Variants in HHAT observed in about 807,000 individuals in gnomAD.
HHAT encodes the protein protein-cysteine N-palmitoyltransferase HHAT.
HHAT carries 47 observed loss-of-function variants against 70.8 expected under a neutral mutation model. The ratio of observed to expected loss-of-function variants is 0.66; its 90% CI spans 0.53 to 0.85. The LOEUF is 0.85. Ranked by LOEUF, HHAT falls within the 40% of genes least tolerant of loss-of-function variation. The probability of loss-of-function intolerance (pLI) is 0.00; values close to 1 mark genes in which losing one functional copy is unlikely to be tolerated. For missense variants in HHAT, 609 were observed against 604.8 expected (o/e 1.01, Z -0.07); for synonymous variants, 228 against 247.6 (o/e 0.92, Z 0.74).
At chr1:210,621,865 AGCAG>A (rs919013116) in intron 10 of HHAT, among the ~76,000 whole-genome samples, 66 of 152,312 alleles carry the variant, frequency 4.3e-4, no homozygotes, top group African/African-American at 1.5e-3. Flanking sequence ...CTTCTCTGTG[AGCAG>A]GCCACACTTG....
chr1:210,656,072 T>G (rs1177677266), intron 11 of HHAT, among the ~76,000 whole-genome samples: 1 of 152,196 alleles, frequency 6.6e-6, no homozygotes, highest in Non-Finnish European at 1.5e-5. Flanking sequence ...AGGCTCTAAA[T>G]GTTATATGTT....
chr1:210,341,847 T>G (rs116640099), intron 1 of HHAT, among the ~76,000 whole-genome samples: 3 of 152,194 alleles, frequency 2.0e-5, no homozygotes, highest in Non-Finnish European at 2.9e-5. Flanking sequence ...GTACCCAATT[T>G]GGAGGTGGAG....
intron 11 of HHAT, among the ~76,000 whole-genome samples, chr1:210,632,629 T>C (rs902803158): frequency 1.3e-5 from 2 of 152,212 alleles, no homozygotes; most frequent in Admixed American, 1.3e-4. Flanking sequence ...CATGCCAGCT[T>C]CCAGCTTGCT....
At chr1:210,502,752 T>A (rs1419709320) in intron 8 of HHAT, among the ~76,000 whole-genome samples, 1 of 152,208 alleles carries the variant, frequency 6.6e-6, no homozygotes, top group Non-Finnish European at 1.5e-5. Flanking sequence ...CTAATTATTA[T>A]TTTCTTAATA....
At chr1:210,555,149 T>C (rs189383604) in intron 9 of HHAT, among the ~76,000 whole-genome samples, 86 of 152,148 alleles carry the variant, frequency 5.7e-4, no homozygotes, top group Admixed American at 5.1e-3. Context: ...TTAGAAACAT[T>C]TGCCACAAAG....
intron 8 of HHAT, among the ~76,000 whole-genome samples, chr1:210,484,929 C>T (rs1156276156): frequency 2.6e-5 from 4 of 152,090 alleles, no homozygotes; most frequent in Non-Finnish European, 5.9e-5. Context: ...CCCTGCCAAT[C>T]ACCTTTTTTC....
intron 8 of HHAT, among the ~76,000 whole-genome samples, chr1:210,486,427 A>G (rs982632367): frequency 6.6e-6 from 1 of 152,218 alleles, no homozygotes; most frequent in African/African-American, 2.4e-5. Context: ...TGAGCTGCTG[A>G]AAGTGCTATT....
At chr1:210,446,698 C>T (rs912864712) in intron 7 of HHAT, among the ~76,000 whole-genome samples, 17 of 152,208 alleles carry the variant, frequency 1.1e-4, no homozygotes, top group African/African-American at 3.6e-4. Context: ...TGAGCTGTTC[C>T]TTCATCTTAG....
intron 11 of HHAT, among the ~76,000 whole-genome samples, chr1:210,647,533 C>T (rs778476730): frequency 2.0e-5 from 3 of 152,128 alleles, no homozygotes; most frequent in African/African-American, 4.8e-5. Flanking sequence ...TTGCCTTATG[C>T]GGTACCCTGG....
At chr1:210,348,197 T>A in intron 1 of HHAT, among the ~76,000 whole-genome samples, 1 of 151,570 alleles carries the variant, frequency 6.6e-6, no homozygotes, top group East Asian at 2.0e-4. Context: ...CTGGGAAACA[T>A]AGACCCTGTC....
chr1:210,571,245 C>T (rs144369795), intron 9 of HHAT, among the ~76,000 whole-genome samples: 30 of 152,330 alleles, frequency 2.0e-4, no homozygotes, highest in Non-Finnish European at 3.8e-4. Context: ...GTTGGAGACC[C>T]AGACCTGCTG....
chr1:210,379,966 A>G (rs997420323), intron 3 of HHAT, among the ~76,000 whole-genome samples: 2 of 152,022 alleles, frequency 1.3e-5, no homozygotes, highest in Non-Finnish European at 2.9e-5. Flanking sequence ...CTATTCTGTG[A>G]GCTTATATTT....
Position 210,570,177 on chromosome 1 carries a change from T to A in HHAT, c.1044-17721T>A, listed in dbSNP as rs564783932. On this transcript the variant is annotated intron_variant, in intron 9 of 11. Coordinates refer to ENST00000261458, the MANE Select transcript of HHAT (RefSeq NM_018194.6). ...AAAGGGAGACATTTTACCTTAGCAC[T>A]GTGAGAAGGGAGTAATGATCTCTAG... is the stretch of plus-strand genomic sequence containing the variant. Among the ~76,000 whole-genome samples the A allele has an allele frequency of 3.3e-5, 5 of 152,302 alleles. No homozygotes were observed. In the South Asian group the frequency reaches 1.0e-3, roughly 32 times the overall value.
At chr1:210,340,313 C>G (rs952925905) in intron 1 of HHAT, among the ~76,000 whole-genome samples, 8 of 145,900 alleles carry the variant, frequency 5.5e-5, no homozygotes, top group Non-Finnish European at 1.0e-4. Context: ...GGAATCTGGA[C>G]TTGGTGGTTT....
intron 10 of HHAT, among the ~76,000 whole-genome samples, chr1:210,595,583 C>T (rs1207487794): frequency 6.6e-6 from 1 of 152,334 alleles, no homozygotes; most frequent in South Asian, 2.1e-4. Flanking sequence ...GTCCCACCAT[C>T]AGTGTAAAAG....
intron 10 of HHAT, among the ~76,000 whole-genome samples, chr1:210,595,965 G>T (rs545330917): frequency 0.014 from 2,188 of 152,100 alleles, 59 homozygotes; most frequent in Admixed American, 0.063. Flanking sequence ...AGAAGCTCTT[G>T]AGTTTAATTA....
chr1:210,664,468 G>A (rs1678462184), intron 11 of HHAT, among the ~76,000 whole-genome samples: 1 of 152,228 alleles, frequency 6.6e-6, no homozygotes, highest in Non-Finnish European at 1.5e-5. Context: ...GAAGCTGGTG[G>A]GATGGTGCAG....
intron 9 of HHAT, among the ~76,000 whole-genome samples, chr1:210,552,120 A>T (rs563811383): frequency 1.3e-5 from 2 of 152,268 alleles, no homozygotes; most frequent in East Asian, 3.9e-4. Flanking sequence ...TCCTGGTGAC[A>T]GCTCTAACAT....
At chr1:210,659,781 T>C (rs1367004697) in intron 11 of HHAT, among the ~76,000 whole-genome samples, 1 of 152,198 alleles carries the variant, frequency 6.6e-6, no homozygotes, top group Non-Finnish European at 1.5e-5. Context: ...AATCAATAAA[T>C]GTAATCCAGC....
Sources: gnomAD v4.1 joint callset for allele counts (sites outside exome capture counted in the v4.1 genomes callset) on GRCh38, gnomAD v4.1.1 for gene constraint, MANE v1.5 for transcripts, NCBI Gene and HGNC (gene_info 2026-07-23, HGNC 2026-07-21) for gene names.